The following C7orf57 variants were observed in gnomAD, a reference collection of about 807,000 sequenced individuals.
C7orf57 encodes the protein uncharacterized protein C7orf57.
C7orf57 carries 33 observed loss-of-function variants against 39.0 expected under a neutral mutation model. The ratio of observed to expected loss-of-function variants is 0.85; its 90% CI spans 0.64 to 1.13. C7orf57 has a LOEUF of 1.13. Ranked by LOEUF, C7orf57 falls within the 50% of genes most tolerant of loss-of-function variation. The probability of loss-of-function intolerance (pLI) is 0.00; values close to 1 mark genes in which losing one functional copy is unlikely to be tolerated. For synonymous variants in C7orf57, 124 were observed against 137.1 expected, an observed-to-expected ratio of 0.90 and a Z score of 0.67; for missense variants, 346 against 362.3, an observed-to-expected ratio of 0.95 and a Z score of 0.37.
chr7:48,046,452 C>T lies in C7orf57; in HGVS notation c.351-8C>T, dbSNP rs1790714100. 6.2e-7 allele frequency: 1 copy of T among 1,611,402 alleles called. No individual in the cohort carries two copies. The highest frequency in any genetic ancestry group is 8.5e-7 in the Non-Finnish European group (1 of 1,178,688). On this transcript the variant is annotated splice_region_variant and splice_polypyrimidine_tract_variant and intron_variant, in intron 4 of 8. Coordinates refer to ENST00000348904, the MANE Select transcript of C7orf57 (RefSeq NM_001100159.3). The stretch of plus-strand genomic sequence containing the variant: ...GCACCAGGCTGTAACTGGTGTCTGT[C>T]CTTGCAGAGTGCGGGCTGTCTCCAT...
At chr7:48,045,156 G>C (rs904233959) in intron 4 of C7orf57, among the ~76,000 whole-genome samples, 2 of 152,210 alleles carry the variant, frequency 1.3e-5, no homozygotes, top group Non-Finnish European at 2.9e-5. Flanking sequence ...CCTCTGGACC[G>C]CAGACCACCT....
At chr7:48,043,156 T>C (rs1790600614) in intron 3 of C7orf57, among the ~76,000 whole-genome samples, 1 of 152,092 alleles carries the variant, frequency 6.6e-6, no homozygotes. Context: ...ACCTGAGCAG[T>C]GGAGGGATGG....
At chr7:48,048,449 C>T (rs918750094) in intron 5 of C7orf57, among the ~76,000 whole-genome samples, 2 of 152,200 alleles carry the variant, frequency 1.3e-5, no homozygotes, top group East Asian at 3.9e-4. Flanking sequence ...TGCTCACCTA[C>T]AGGGTGATCG....
At chr7:48,054,151 A>G (rs1791041277) in intron 7 of C7orf57, among the ~76,000 whole-genome samples, 1 of 152,228 alleles carries the variant, frequency 6.6e-6, no homozygotes, top group African/African-American at 2.4e-5. Context: ...ATGGTGGCTC[A>G]CGCCTGTAAT....
chr7:48,037,751 G>C (rs1011243633), intron 2 of C7orf57, among the ~76,000 whole-genome samples: 1 of 150,204 alleles, frequency 6.7e-6, no homozygotes, highest in African/African-American at 2.4e-5. Flanking sequence ...TTAACCCTCT[G>C]TGTGTGTGTG....
At chr7:48,051,065 A>G (rs922001741) in intron 6 of C7orf57, among the ~76,000 whole-genome samples, 13 of 152,236 alleles carry the variant, frequency 8.5e-5, no homozygotes, top group African/African-American at 3.1e-4. Context: ...TTGAAGATGC[A>G]GTAGATGGTG....
chr7:48,061,129 A>C lies in C7orf57; in HGVS notation c.*857A>C, dbSNP rs551222969. ...CTTTCCCAGAATAAACTTATCATGCATTTGCTTACCTAAAATTTAAGTTTC... is the reference window on the plus strand; with the variant it reads ...CTTTCCCAGAATAAACTTATCATGCCTTTGCTTACCTAAAATTTAAGTTTC... On this transcript the variant is annotated 3_prime_UTR_variant, in exon 9 of 9. Coordinates refer to ENST00000348904, the MANE Select transcript of C7orf57 (RefSeq NM_001100159.3). 20 of 152,268 alleles carry C rather than the reference A, an allele frequency of 1.3e-4. No homozygotes were observed. The highest frequency in any genetic ancestry group is 4.6e-4 in the African/African-American group (19 of 41,564). 9.4% of individuals were successfully genotyped at this position (152,268 alleles called of 1,614,324 possible).
intron 6 of C7orf57, among the ~76,000 whole-genome samples, chr7:48,051,429 C>A (rs769823109): frequency 6.8e-6 from 1 of 146,732 alleles, no homozygotes; most frequent in Admixed American, 7.0e-5. Context: ...TGGCTCACTG[C>A]AAGCTCTGCC....
intron 4 of C7orf57, 40 bp downstream of exon 4, chr7:48,043,629 C>A (rs1437303754): frequency 6.6e-7 from 1 of 1,514,548 alleles, no homozygotes; most frequent in Non-Finnish European, 9.1e-7. Context: ...TTTATCTTTA[C>A]AGGAAAAAAA....
chr7:48,051,330 G>A (rs968765869), intron 6 of C7orf57, among the ~76,000 whole-genome samples: 2 of 142,020 alleles, frequency 1.4e-5, no homozygotes, highest in African/African-American at 5.2e-5. Context: ...ATAGGTGCCT[G>A]CCACCACAGC....
intron 3 of C7orf57, among the ~76,000 whole-genome samples, chr7:48,042,832 G>A (rs2708876): frequency 0.89 from 135,502 of 152,176 alleles, 60,529 homozygotes; most frequent in Non-Finnish European, 0.93. Context: ...TTTTGAAACC[G>A]GGGGAGGGAA....
At chr7:48,046,361 G>T in intron 4 of C7orf57, 99 bp from the exon 5 acceptor site, 1 of 1,085,368 alleles carries the variant, frequency 9.2e-7, no homozygotes. Flanking sequence ...GGAGACAGAA[G>T]GAGGGAGGGA....
In C7orf57 at chr7:48,043,375, G is replaced by A. The variant is rs971527414; in HGVS notation, c.242-106G>A. 8 of 797,128 alleles carry A rather than the reference G, an allele frequency of 1.0e-5. No individual in the cohort carries two copies. The Admixed American group carries it at 1.7e-4, about 17-fold the overall frequency. The allele number at this position is 797,128 out of a possible 1,614,324, so 49.4% of individuals were successfully genotyped here. On this transcript the variant is annotated intron_variant, in intron 3 of 8. Transcript: ENST00000348904. ...TCCCTGGATCCCAGAGGCAACTACA[G>A]GGAGACCTACAGTTCGCCTTGTAAA...
At chr7:48,044,093 C>T (rs570781906) in intron 4 of C7orf57, among the ~76,000 whole-genome samples, 13 of 152,250 alleles carry the variant, frequency 8.5e-5, no homozygotes, top group Middle Eastern at 3.4e-3. Flanking sequence ...TAGGACGAAC[C>T]CGGGCACTTA....
At chr7:48,051,125 G>A (rs572860192) in intron 6 of C7orf57, among the ~76,000 whole-genome samples, 4 of 152,026 alleles carry the variant, frequency 2.6e-5, no homozygotes, top group African/African-American at 9.7e-5. Context: ...CTGTGTAAGA[G>A]AGTAAAATAG....
At position 48,045,827 on chromosome 7, in the gene C7orf57, C is replaced by T. The variant is rs577674910; in HGVS notation, c.351-633C>T. Among the ~76,000 whole-genome samples, 51 of 152,164 alleles carry T rather than the reference C, an allele frequency of 3.4e-4. No homozygotes were observed. The South Asian group carries it at 8.7e-3, about 26-fold the overall frequency. On this transcript the variant is annotated intron_variant, in intron 4 of 8. Transcript: ENST00000348904. ...TGCCTTTGGATGCCCCTCCTGTGTGCGCTGCCTATATGGGAAGACTGGTTG... is the reference window on the plus strand; with the variant it reads ...TGCCTTTGGATGCCCCTCCTGTGTGTGCTGCCTATATGGGAAGACTGGTTG...
chr7:48,058,953 C>A (rs962043096), intron 8 of C7orf57, among the ~76,000 whole-genome samples: 2 of 152,124 alleles, frequency 1.3e-5, no homozygotes, highest in Non-Finnish European at 2.9e-5. Flanking sequence ...TTTGAAGAAA[C>A]CTTTTAACGT....
intron 6 of C7orf57, among the ~76,000 whole-genome samples, chr7:48,051,859 CTTTCTTTCTTTCTCTT>C (rs1790946669): frequency 1.6e-5 from 1 of 62,406 alleles, no homozygotes; most frequent in Non-Finnish European, 3.1e-5. Flanking sequence ...TTCTTTCTTT[CTTTCTTTCTTTCTCTT>C]TCTCTTTCTT....
rs76785149 is a variant in C7orf57, at chr7:48,045,432, C to T, written c.351-1028C>T. Among the ~76,000 whole-genome samples the T allele has an allele frequency of 3.9e-5, 6 of 152,074 alleles. No homozygotes were observed. In the East Asian group the frequency reaches 9.6e-4, roughly 24 times the overall value. On this transcript the variant is annotated intron_variant, in intron 4 of 8. Coordinates refer to ENST00000348904, the MANE Select transcript of C7orf57 (RefSeq NM_001100159.3). ...TCAGCCACACTCATGGCTTCTCTTA[C>T]TGGGTATCTGCGTCCACCTTCCAAG...
Sources: gnomAD v4.1 joint callset for allele counts (sites outside exome capture counted in the v4.1 genomes callset) on GRCh38, gnomAD v4.1.1 for gene constraint, MANE v1.5 for transcripts, NCBI Gene and HGNC (gene_info 2026-07-23, HGNC 2026-07-21) for gene names.